The following CDH9 variants were observed in gnomAD, a reference collection of about 807,000 sequenced individuals.
CDH9 encodes the protein cadherin-9.
In CDH9, 28 loss-of-function variants were observed where a neutral mutation model predicts 70.9. That is an observed-to-expected ratio of 0.40 (90% CI 0.29 to 0.54). The LOEUF (loss-of-function observed/expected upper bound fraction) is 0.54. Ranked by LOEUF, CDH9 falls within the 20% of genes least tolerant of loss-of-function variation. The pLI, the probability that CDH9 is intolerant of heterozygous loss-of-function variation, is 0.59. For missense variants in CDH9, 874 were observed against 984.4 expected, an observed-to-expected ratio of 0.89 and a Z score of 1.50; for synonymous variants, 409 against 343.1, an observed-to-expected ratio of 1.19 and a Z score of -2.12.
At position 26,962,004 on chromosome 5, in the gene CDH9, G is replaced by T. The variant is rs1168605667; in HGVS notation, c.228+26102C>A. 2.6e-5 allele frequency among the ~76,000 whole-genome samples: 4 copies of T among 152,140 alleles called. No homozygotes were observed. In the South Asian group the frequency reaches 6.2e-4, roughly 24 times the overall value. On this transcript the variant is annotated intron_variant, in intron 2 of 11. Transcript: ENST00000231021. Reference sequence around the variant, plus strand: ...CCCCAACTCCCCAACAAGCCCTGGTGTGTGATGTCGCCCTCCCTGTGTCCA... The same window carrying T: ...CCCCAACTCCCCAACAAGCCCTGGTTTGTGATGTCGCCCTCCCTGTGTCCA...
At chr5:26,881,730 G>T (rs564131911) in intron 11 of CDH9, 107 bp from the exon 12 acceptor site, 8 of 968,336 alleles carry the variant, frequency 8.3e-6, no homozygotes, top group Non-Finnish European at 1.5e-6. Flanking sequence ...AAGATTGATC[G>T]AATAAAAAGA....
In CDH9 at chr5:27,035,823, GT is replaced by G. The variant is rs1375697677; in HGVS notation, c.-50+2639del. 3.3e-5 allele frequency among the ~76,000 whole-genome samples: 5 copies of G among 151,648 alleles called. No individual in the cohort carries two copies. The East Asian group carries it at 9.8e-4, about 30-fold the overall frequency. Reference sequence around the variant, plus strand: ...GATTATTTCTACATCATATTTAAATGTGCCTTTGAGTGAGCAAAATTAGTCT... The same window carrying G: ...GATTATTTCTACATCATATTTAAATGGCCTTTGAGTGAGCAAAATTAGTCT... On this transcript the variant is annotated intron_variant, in intron 1 of 11. Coordinates refer to ENST00000231021, the MANE Select transcript of CDH9 (RefSeq NM_016279.4).
chr5:26,924,758 T>C (rs970583344), intron 2 of CDH9, among the ~76,000 whole-genome samples: 1 of 152,004 alleles, frequency 6.6e-6, no homozygotes, highest in Non-Finnish European at 1.5e-5. Context: ...TGTGTCCAAA[T>C]GTTCTCATTG....
At chr5:26,974,047 C>T (rs958585701) in intron 2 of CDH9, among the ~76,000 whole-genome samples, 5 of 152,212 alleles carry the variant, frequency 3.3e-5, no homozygotes, top group South Asian at 2.1e-4. Context: ...GAGTTCAAGA[C>T]CAGCCTAGCT....
intron 2 of CDH9, among the ~76,000 whole-genome samples, chr5:26,939,417 C>G (rs981020690): frequency 3.3e-5 from 5 of 151,246 alleles, no homozygotes; most frequent in African/African-American, 1.2e-4. Flanking sequence ...TTTATTTTAA[C>G]TGGTTACCAA....
chr5:26,939,927 A>T (rs767992879), intron 2 of CDH9, among the ~76,000 whole-genome samples: 1 of 152,148 alleles, frequency 6.6e-6, no homozygotes, highest in Non-Finnish European at 1.5e-5. Context: ...AGGCGACTGG[A>T]TCACTTGAGC....
intron 7 of CDH9, among the ~76,000 whole-genome samples, chr5:26,902,228 T>C (rs923492506): frequency 6.6e-6 from 1 of 152,078 alleles, no homozygotes; most frequent in Middle Eastern, 3.4e-3. Flanking sequence ...TATAATACTA[T>C]CTACCTTGTA....
intron 2 of CDH9, among the ~76,000 whole-genome samples, chr5:26,975,533 ATAC>A (rs776726181): frequency 2.0e-5 from 3 of 152,190 alleles, no homozygotes; most frequent in Non-Finnish European, 4.4e-5. Flanking sequence ...AAATTTTTAA[ATAC>A]TACAATATTA....
chr5:26,898,167 T>C (rs1740786357), intron 7 of CDH9, among the ~76,000 whole-genome samples: 2 of 151,746 alleles, frequency 1.3e-5, no homozygotes, highest in African/African-American at 4.8e-5. Context: ...CTCAAAGAAA[T>C]AAGGGAGGAC....
At chr5:26,923,667 C>A (rs1297480512) in intron 2 of CDH9, among the ~76,000 whole-genome samples, 1 of 151,952 alleles carries the variant, frequency 6.6e-6, no homozygotes, top group Non-Finnish European at 1.5e-5. Context: ...CGTTAGGCCA[C>A]AAAACATATT....
At chr5:26,935,727 CA>C (rs1295913885) in intron 2 of CDH9, among the ~76,000 whole-genome samples, 1 of 152,104 alleles carries the variant, frequency 6.6e-6, no homozygotes, top group Admixed American at 6.5e-5. Flanking sequence ...GTAGAACTAC[CA>C]TTGGATCCAG....
At chr5:26,908,647 T>C (rs1442128482) in intron 3 of CDH9, among the ~76,000 whole-genome samples, 1 of 152,170 alleles carries the variant, frequency 6.6e-6, no homozygotes, top group East Asian at 1.9e-4. Context: ...ATTAGCTCTA[T>C]TAGTCGGTAG....
chr5:26,904,968 T>C (rs1383811556), intron 5 of CDH9, among the ~76,000 whole-genome samples: 13 of 152,264 alleles, frequency 8.5e-5, no homozygotes, highest in Non-Finnish European at 7.4e-5. Context: ...TATAAAGGAA[T>C]ATGAATGCAA....
intron 2 of CDH9, among the ~76,000 whole-genome samples, chr5:26,957,390 G>T (rs1178508971): frequency 1.3e-5 from 2 of 152,110 alleles, no homozygotes; most frequent in African/African-American, 2.4e-5. Flanking sequence ...GGCAGGGCCT[G>T]GTGGCTCACA....
At chr5:26,983,980 C>T (rs1031630392) in intron 2 of CDH9, among the ~76,000 whole-genome samples, 1 of 152,078 alleles carries the variant, frequency 6.6e-6, no homozygotes, top group Non-Finnish European at 1.5e-5. Context: ...TGTCACTCCA[C>T]CTTTTGATAC....
intron 10 of CDH9, 27 bp from the exon 11 acceptor site, chr5:26,885,892 A>T (rs781091346): frequency 6.2e-7 from 1 of 1,606,770 alleles, no homozygotes. Flanking sequence ...GTAAAAAAAC[A>T]AAAACTTTCA....
intron 3 of CDH9, 141 bp downstream of exon 3, chr5:26,915,489 G>C (rs1483420267): frequency 1.8e-6 from 1 of 550,858 alleles, no homozygotes; most frequent in African/African-American, 1.9e-5. Context: ...AAAAATAGAA[G>C]AGCTAGTTTA....
At chr5:26,977,491 A>ATATATATATATATATATATGTG (rs997015830) in intron 2 of CDH9, among the ~76,000 whole-genome samples, 3 of 141,838 alleles carry the variant, frequency 2.1e-5, no homozygotes, top group African/African-American at 9.2e-5. Context: ...GTGTGTATAT[A>ATATATATATATATATATATGTG]TATATATATA....
At chr5:27,035,169 A>C (rs1421174690) in intron 1 of CDH9, among the ~76,000 whole-genome samples, 1 of 96,474 alleles carries the variant, frequency 1.0e-5, no homozygotes, top group Admixed American at 9.7e-5. Context: ...AATATTGCAT[A>C]TGTATATATA....
Sources: allele counts gnomAD v4.1 joint callset (sites outside exome capture counted in the v4.1 genomes callset), GRCh38; gene constraint gnomAD v4.1.1; transcripts MANE v1.5; gene names NCBI Gene and HGNC (gene_info 2026-07-23, HGNC 2026-07-21).